Variants in CLEC17A observed in about 807,000 individuals in gnomAD.
The protein encoded by CLEC17A is C-type lectin domain containing 17A, also known as C-type lectin domain family 17, member A.
CLEC17A carries 37 observed loss-of-function variants against 61.3 expected under a neutral mutation model. The observed-to-expected ratio is 0.60, with a 90% confidence interval of 0.46 to 0.79. CLEC17A has a LOEUF of 0.79. Among genes scored for constraint, CLEC17A ranks in the 30% least tolerant of loss-of-function variants. The pLI is 0.00. For synonymous variants in CLEC17A, 168 were observed against 164.9 expected (o/e 1.02, Z -0.14); for missense variants, 418 against 464.7 (o/e 0.90, Z 0.92).
upstream of CLEC17A, among the ~76,000 whole-genome samples, chr19:14,581,472 C>T (rs184145371): frequency 2.3e-4 from 35 of 151,648 alleles, no homozygotes; most frequent in Non-Finnish European, 4.0e-4. Context: ...TACAGGTGCC[C>T]GCTATCATGT....
In CLEC17A at chr19:14,583,104, CA is replaced by C. The variant is rs2074202643; in HGVS notation, c.-56del. The C allele has an allele frequency of 1.3e-6, 2 of 1,599,758 alleles. No individual in the cohort carries two copies. The highest frequency in any genetic ancestry group is 3.4e-5 in the Admixed American group (2 of 59,614). ...CCCCCAGACGCCTGAGTCGGAGAGA[CA>C]GGGGGCAGAGGTTGCCAAGCCCTGG... On this transcript the variant is annotated 5_prime_UTR_variant, in exon 1 of 14. Transcript: ENST00000417570.
intron 3 of CLEC17A, among the ~76,000 whole-genome samples, chr19:14,588,201 G>C (rs575350919): frequency 3.3e-5 from 5 of 151,710 alleles, no homozygotes; most frequent in African/African-American, 9.7e-5. Flanking sequence ...TAAAGTGGAG[G>C]TTTGGGCCAG....
upstream of CLEC17A, among the ~76,000 whole-genome samples, chr19:14,582,753 G>A (rs1039919407): frequency 8.6e-5 from 13 of 151,990 alleles, no homozygotes; most frequent in Non-Finnish European, 1.6e-4. Context: ...GATTACAGGC[G>A]CCTGCCACTG....
chr19:14,602,200 G>GT (rs576704612), intron 12 of CLEC17A, among the ~76,000 whole-genome samples: 3,016 of 149,146 alleles, frequency 0.02, 87 homozygotes, highest in African/African-American at 0.062. Context: ...TATTTAAAAT[G>GT]TTTTTTTTTT....
rs374126794 is a variant in CLEC17A, at chr19:14,594,365, T to C, written c.278-152T>C. On this transcript the variant is annotated intron_variant, in intron 4 of 13. Transcript: ENST00000417570. ...GTTGGTCACCCTACTTAATCCCATC[T>C]CCATCCCTAATCCCAATTGCATTCT... is the stretch of plus-strand genomic sequence containing the variant. 3.2e-3 allele frequency: 2,891 copies of C among 914,708 alleles called. 98 individuals are homozygous for C. The South Asian group carries it at 0.041, about 13-fold the overall frequency. 56.7% of individuals were successfully genotyped at this position (914,708 alleles called of 1,614,324 possible).
At chr19:14,586,257 C>G (rs1032855777) in intron 2 of CLEC17A, among the ~76,000 whole-genome samples, 2 of 151,730 alleles carry the variant, frequency 1.3e-5, no homozygotes, top group Admixed American at 1.3e-4. Flanking sequence ...TCCCTGGCAG[C>G]GGGATTACAG....
chr19:14,609,408 A>G (rs1029331778), intron 13 of CLEC17A, among the ~76,000 whole-genome samples: 3 of 152,034 alleles, frequency 2.0e-5, no homozygotes, highest in Non-Finnish European at 4.4e-5. Flanking sequence ...AATAAATCCT[A>G]CACACTCGAG....
chr19:14,585,803 G>T (rs1399491003), intron 2 of CLEC17A, among the ~76,000 whole-genome samples: 6 of 147,452 alleles, frequency 4.1e-5, no homozygotes, highest in African/African-American at 1.5e-4. Context: ...CAGCTAAGCT[G>T]CTCTCAGATT....
At chr19:14,592,666 CTTTTTTTCTTTT>C (rs2074449248) in intron 4 of CLEC17A, among the ~76,000 whole-genome samples, 1 of 150,940 alleles carries the variant, frequency 6.6e-6, no homozygotes, top group African/African-American at 2.5e-5. Context: ...ACATTTCTTT[CTTTTTTTCTTTT>C]TTTTTGAGAT....
chr19:14,582,361 C>T (rs1046449780), upstream of CLEC17A, among the ~76,000 whole-genome samples: 20 of 151,306 alleles, frequency 1.3e-4, no homozygotes, highest in Non-Finnish European at 2.7e-4. Flanking sequence ...CACAGGCACC[C>T]GCCACCACAC....
At chr19:14,592,418 C>T (rs2074442747) in intron 4 of CLEC17A, 60 bp downstream of exon 4, 1 of 1,603,622 alleles carries the variant, frequency 6.2e-7, no homozygotes, top group Non-Finnish European at 8.5e-7. Flanking sequence ...TTCCAGGAGG[C>T]ATTGGCTGGG....
intron 13 of CLEC17A, among the ~76,000 whole-genome samples, chr19:14,609,183 C>T (rs376075481): frequency 2.3e-4 from 35 of 152,282 alleles, no homozygotes; most frequent in Admixed American, 1.3e-3. Flanking sequence ...ACCTAAGACA[C>T]TACCCAACTC....
intron 3 of CLEC17A, among the ~76,000 whole-genome samples, chr19:14,590,999 A>G (rs2074398795): frequency 6.7e-6 from 1 of 150,366 alleles, no homozygotes; most frequent in Non-Finnish European, 1.5e-5. Context: ...CGCCCAGCCT[A>G]TTTCTGCGTC....
Position 14,598,304 on chromosome 19 carries a change from TTCTC to T in CLEC17A, c.646+1162_646+1165del, listed in dbSNP as rs111468753. ...TTTCTTTCGTTTGTTTGTTCTTTCT[TTCTC>T]TCTCTCTCTCTCTCTCTCACTATCT... On this transcript the variant is annotated intron_variant, in intron 10 of 13. Transcript: ENST00000417570. Among the ~76,000 whole-genome samples, 426 of 149,198 alleles carry T rather than the reference TTCTC, an allele frequency of 2.9e-3. 1 individual carries two copies. Among genetic ancestry groups the T allele is most frequent in the Middle Eastern group, 6.8e-3 (2 of 294 alleles).
intron 3 of CLEC17A, among the ~76,000 whole-genome samples, chr19:14,591,957 C>T (rs966841154): frequency 8.3e-5 from 12 of 144,068 alleles, no homozygotes; most frequent in Admixed American, 4.1e-4. Flanking sequence ...CCAGGGGCTT[C>T]CCCCCAAGAT....
chr19:14,607,161 A>T, intron 13 of CLEC17A, 59 bp downstream of exon 13: 2 of 705,062 alleles, frequency 2.8e-6, no homozygotes, highest in Admixed American at 4.3e-5. Context: ...GACCATGGGG[A>T]GGGGAGAAGG....
intron 10 of CLEC17A, among the ~76,000 whole-genome samples, chr19:14,597,646 G>A (rs1331015837): frequency 6.6e-6 from 1 of 152,190 alleles, no homozygotes; most frequent in Non-Finnish European, 1.5e-5. Context: ...GCCGAAGTGG[G>A]AGGATCTCCT....
Position 14,597,807 on chromosome 19 carries a change from T to A in CLEC17A, c.646+646T>A, listed in dbSNP as rs1337863729. ...TTTGTATAGAAGAGGTCTCACTATG[T>A]TGACTAAGCTCGTTTCAAACTCCTG... On this transcript the variant is annotated intron_variant, in intron 10 of 13. Coordinates refer to ENST00000417570, the MANE Select transcript of CLEC17A (RefSeq NM_001204118.2). Among the ~76,000 whole-genome samples, 5 of 152,266 alleles carry A rather than the reference T, an allele frequency of 3.3e-5. No homozygotes were observed. The East Asian group carries it at 9.6e-4, about 29-fold the overall frequency.
rs71166766 is a variant in CLEC17A at position 14,608,800 on chromosome 19, A to ATT, written c.1005-1248_1005-1247dup. On this transcript the variant is annotated intron_variant, in intron 13 of 13. Transcript: ENST00000417570. ...AGGTGCGCACCACCATGCCTGGCTA[A>ATT]TTTTTTTTTTTTTTTTTGAGACGGA... Among the ~76,000 whole-genome samples, 57 of 131,360 alleles carry ATT rather than the reference A, an allele frequency of 4.3e-4. No homozygotes were observed. In the South Asian group the frequency reaches 5.3e-3, roughly 12 times the overall value. The allele number at this position is 131,360 out of a possible 152,430, so 86.2% of individuals were successfully genotyped here. A position where few individuals can be genotyped will look rare whatever the true frequency, so the allele number is the denominator to read the frequency against.
Sources: allele counts gnomAD v4.1 joint callset (sites outside exome capture counted in the v4.1 genomes callset), GRCh38; gene constraint gnomAD v4.1.1; transcripts MANE v1.5; gene names NCBI Gene and HGNC (gene_info 2026-07-23, HGNC 2026-07-21).